TKTL1: variants seen among roughly 807,000 people sequenced by gnomAD.
TKTL1 encodes transketolase like 1.
A neutral mutation model predicts 39.3 loss-of-function variants in TKTL1; 1 was observed. The observed-to-expected ratio is 0.03, with a 90% confidence interval of 0.01 to 0.12. The LOEUF is 0.12. Ranked by LOEUF, TKTL1 falls within the 10% of genes least tolerant of loss-of-function variation. The probability of loss-of-function intolerance (pLI) is 1.00; values close to 1 mark genes in which losing one functional copy is unlikely to be tolerated. For synonymous variants in TKTL1, 262 were observed against 193.8 expected (o/e 1.35, Z -2.92); for missense variants, 575 against 509.6 (o/e 1.13, Z -1.24).
chrX:154,311,536 C>G, intron 5 of TKTL1, among the ~76,000 whole-genome samples: 1 of 111,447 alleles, frequency 9.0e-6, no homozygotes, highest in East Asian at 2.8e-4. Flanking sequence ...TTAGTAGAAT[C>G]AGAAAGCGTG....
intron 1 of TKTL1, among the ~76,000 whole-genome samples, chrX:154,299,946 T>C (rs1034760913): frequency 9.0e-6 from 1 of 111,134 alleles, no homozygotes. Context: ...TTCCTTTGGG[T>C]AGATAGCCAG....
intron 1 of TKTL1, among the ~76,000 whole-genome samples, chrX:154,304,705 C>T (rs2067301408): frequency 1.8e-5 from 2 of 109,499 alleles, no homozygotes; most frequent in South Asian, 8.0e-4. Flanking sequence ...CTGGGCCTAA[C>T]ATCTTTTTTT....
At chrX:154,303,465 A>C (rs2067291160) in intron 1 of TKTL1, among the ~76,000 whole-genome samples, 1 of 91,237 alleles carries the variant, frequency 1.1e-5, no homozygotes, top group South Asian at 5.6e-4. Flanking sequence ...TCCTGGGCTC[A>C]AGCAATCCTC....
chrX:154,319,414 G>T (rs2067430801), intron 7 of TKTL1, among the ~76,000 whole-genome samples: 1 of 111,807 alleles, frequency 8.9e-6, no homozygotes, highest in Non-Finnish European at 1.9e-5. Context: ...ATGCCCTTTG[G>T]GGATCAGGTT....
chrX:154,315,064 C>A (rs2067387116), intron 6 of TKTL1, 109 bp from the exon 7 acceptor site: 1 of 892,721 alleles, frequency 1.1e-6, no homozygotes, highest in South Asian at 2.8e-5. Flanking sequence ...TTACTTTCTT[C>A]AAGATAGATG....
rs1557170468 is a variant in TKTL1, at chrX:154,320,805, G to T, written c.1078G>T (p.Ala360Ser). 8.3e-7 allele frequency: 1 copy of T among 1,211,512 alleles called. No individual in the cohort carries two copies. The highest frequency in any genetic ancestry group is 2.2e-5 in the Admixed American group (1 of 46,082). ...CTCCCGTGGACGGACCATTGCTTTT[G>T]CTAGCACCTTTGCTGCCTTTCTGAC... is the stretch of plus-strand genomic sequence containing the variant. ...CASRGRTIAF[A>S]STFAAFLTRA... The change falls in exon 8 of 13, where the codon GCT becomes TCT. Residue 360 changes from alanine to serine, a missense_variant. By Grantham distance (99) the Ala-to-Ser change is moderately conservative. Transcript: ENST00000369915.
At chrX:154,309,534 G>C in intron 3 of TKTL1, 92 bp downstream of exon 3, 1 of 798,342 alleles carries the variant, frequency 1.3e-6, no homozygotes, top group Non-Finnish European at 1.9e-6. Flanking sequence ...CCGTGATGTG[G>C]AGAGCCCTGA....
chrX:154,310,375 C>T (rs2067347210), intron 3 of TKTL1, among the ~76,000 whole-genome samples: 1 of 111,883 alleles, frequency 8.9e-6, no homozygotes, highest in Non-Finnish European at 1.9e-5. Context: ...GTGGAGGTTG[C>T]AGTGAGCCAA....
chrX:154,303,036 C>T (rs1185516544), intron 1 of TKTL1, among the ~76,000 whole-genome samples: 1 of 110,979 alleles, frequency 9.0e-6, no homozygotes, highest in East Asian at 2.8e-4. Flanking sequence ...TGTGGCAACT[C>T]ACCCTGGCAG....
chrX:154,328,305 A>T (rs1022209208), intron 12 of TKTL1, among the ~76,000 whole-genome samples: 2 of 109,580 alleles, frequency 1.8e-5, no homozygotes, highest in Non-Finnish European at 3.8e-5. Context: ...GCACTTTGGG[A>T]GGCCGAGGCA....
chrX:154,298,340 T>C (rs782204992), intron 1 of TKTL1, among the ~76,000 whole-genome samples: 41 of 111,643 alleles, frequency 3.7e-4, no homozygotes, highest in Non-Finnish European at 6.8e-4. Context: ...TCTCAGCCTC[T>C]TGAGTAGCTG....
chrX:154,329,977 A>G lies in TKTL1; in HGVS notation c.*289A>G, dbSNP rs781805928. ...TGATAGTAAGTTTTCTGATAAGACT[A>G]TAGATAAGTGGTAGAGGTAATCAAT... is the stretch of plus-strand genomic sequence containing the variant. On this transcript the variant is annotated 3_prime_UTR_variant, in exon 13 of 13. Coordinates refer to ENST00000369915, the MANE Select transcript of TKTL1 (RefSeq NM_012253.4). 4 of 256,426 alleles carry G rather than the reference A, an allele frequency of 1.6e-5. No individual in the cohort carries two copies. The highest frequency in any genetic ancestry group is 8.3e-5 in the African/African-American group (3 of 36,356). 21.1% of individuals were successfully genotyped at this position (256,426 alleles called of 1,213,427 possible).
rs1309022863 is a variant in TKTL1 at position 154,329,924 on chromosome X, G to GA, written c.*243dup. ...AAAGGGAGTTACACAACTTTTAAGT[G>GA]AAAAAAATAGGTAACAAAACAACCA... On this transcript the variant is annotated 3_prime_UTR_variant, in exon 13 of 13. Coordinates refer to ENST00000369915, the MANE Select transcript of TKTL1 (RefSeq NM_012253.4). The GA allele has an allele frequency of 4.0e-5, 13 of 321,021 alleles. No individual in the cohort carries two copies. Among genetic ancestry groups the GA allele is most frequent in the Non-Finnish European group, 7.0e-5 (13 of 186,075 alleles). The allele number at this position is 321,021 out of a possible 1,213,427, so 26.5% of individuals were successfully genotyped here. A position where few individuals can be genotyped will look rare whatever the true frequency, so the allele number is the denominator to read the frequency against.
intron 7 of TKTL1, among the ~76,000 whole-genome samples, chrX:154,315,835 G>A (rs2067395248): frequency 8.9e-6 from 1 of 112,504 alleles, no homozygotes; most frequent in South Asian, 3.6e-4. Context: ...CTTAGGCAAA[G>A]CCATTCTGCT....
intron 1 of TKTL1, among the ~76,000 whole-genome samples, chrX:154,301,461 G>A (rs1469162554): frequency 2.7e-5 from 3 of 111,930 alleles, no homozygotes; most frequent in East Asian, 2.8e-4. Flanking sequence ...AGGTTGCAGT[G>A]AGCCGAGAGA....
chrX:154,306,484 G>A (rs782605365), intron 2 of TKTL1, among the ~76,000 whole-genome samples: 1 of 111,756 alleles, frequency 8.9e-6, no homozygotes, highest in Non-Finnish European at 1.9e-5. Context: ...AAAATAAATA[G>A]AATTTACATG....
chrX:154,301,052 C>T (rs2067269649), intron 1 of TKTL1, among the ~76,000 whole-genome samples: 2 of 110,707 alleles, frequency 1.8e-5, no homozygotes, highest in Admixed American at 1.9e-4. Context: ...GTTTGACTTC[C>T]TCTTCTCCAA....
intron 7 of TKTL1, among the ~76,000 whole-genome samples, chrX:154,317,139 A>G (rs2067407260): frequency 9.0e-6 from 1 of 111,726 alleles, no homozygotes; most frequent in Non-Finnish European, 1.9e-5. Flanking sequence ...GCTCCTGTCA[A>G]AAATTTTGCT....
rs930982516 is a variant in TKTL1, at chrX:154,330,322, G to A, written c.*634G>A. On this transcript the variant is annotated 3_prime_UTR_variant, in exon 13 of 13. Coordinates refer to ENST00000369915, the MANE Select transcript of TKTL1 (RefSeq NM_012253.4). ...AGAGCCTCCACACTGTACTGTTCAAGTCAATGTTAATAAAGCATTTCAAAA... is the reference window on the plus strand; with the variant it reads ...AGAGCCTCCACACTGTACTGTTCAAATCAATGTTAATAAAGCATTTCAAAA... 10 of 111,351 alleles carry A rather than the reference G, an allele frequency of 9.0e-5. No individual in the cohort carries two copies. Among genetic ancestry groups the A allele is most frequent in the Admixed American group, 7.7e-4 (8 of 10,444 alleles). 9.2% of individuals were successfully genotyped at this position (111,351 alleles called of 1,213,427 possible). A position where few individuals can be genotyped will look rare whatever the true frequency, so the allele number is the denominator to read the frequency against.
Sources: gnomAD v4.1 joint callset for allele counts (sites outside exome capture counted in the v4.1 genomes callset) on GRCh38, gnomAD v4.1.1 for gene constraint, MANE v1.5 for transcripts, NCBI Gene and HGNC (gene_info 2026-07-23, HGNC 2026-07-21) for gene names.